Variants in RPS6KC1 observed in about 807,000 individuals in gnomAD.
The protein encoded by RPS6KC1 is inactive ribosomal protein S6 kinase delta-1.
RPS6KC1 carries 54 observed loss-of-function variants against 103.8 expected under a neutral mutation model. That is an observed-to-expected ratio of 0.52 (90% CI 0.42 to 0.65). The LOEUF (loss-of-function observed/expected upper bound fraction) is 0.65. Ranked by LOEUF, RPS6KC1 falls within the 30% of genes least tolerant of loss-of-function variation. RPS6KC1 has a pLI of 0.00. For synonymous variants in RPS6KC1, 439 were observed against 438.7 expected, an observed-to-expected ratio of 1.00 and a Z score of -0.01; for missense variants, 1,151 against 1,253.8, an observed-to-expected ratio of 0.92 and a Z score of 1.24.
the RPS6KC1 span, among the ~76,000 whole-genome samples, chr1:213,815,247 G>A: frequency 4.7e-4 from 72 of 152,256 alleles, no homozygotes; most frequent in South Asian, 0.015. Flanking sequence ...GGCCTTCCCA[G>A]CCATGTGGAA....
the RPS6KC1 span, among the ~76,000 whole-genome samples, chr1:213,400,271 A>G: frequency 1.8e-4 from 27 of 152,162 alleles, no homozygotes; most frequent in Non-Finnish European, 8.8e-5. Context: ...CTACCCAGCC[A>G]CGAAACCACA....
At chr1:213,564,302 C>G in the RPS6KC1 span, among the ~76,000 whole-genome samples, 1 of 152,140 alleles carries the variant, frequency 6.6e-6, no homozygotes, top group Non-Finnish European at 1.5e-5. Context: ...CTTCTTAGCT[C>G]TGAAACCACC....
intron 4 of RPS6KC1, among the ~76,000 whole-genome samples, chr1:213,113,857 A>G (rs1169508106): frequency 6.6e-6 from 1 of 152,114 alleles, no homozygotes; most frequent in African/African-American, 2.4e-5. Context: ...TTTGTCAAAG[A>G]TCAGATAGTT....
At chr1:213,638,970 C>G in the RPS6KC1 span, among the ~76,000 whole-genome samples, 1 of 152,000 alleles carries the variant, frequency 6.6e-6, no homozygotes, top group African/African-American at 2.4e-5. Context: ...TATGCTGAGT[C>G]TTCTATGCCA....
intron 3 of RPS6KC1, among the ~76,000 whole-genome samples, chr1:213,088,583 C>G (rs2080652144): frequency 6.6e-6 from 1 of 152,120 alleles, no homozygotes; most frequent in Non-Finnish European, 1.5e-5. Context: ...TCTCGAACTC[C>G]TGAGCACAAA....
the RPS6KC1 span, among the ~76,000 whole-genome samples, chr1:213,459,726 G>A: frequency 6.6e-5 from 10 of 152,286 alleles, no homozygotes; most frequent in East Asian, 1.9e-3. Context: ...TGGGCAGTTA[G>A]TGCTATAAAT....
At chr1:213,282,461 C>T in the RPS6KC1 span, among the ~76,000 whole-genome samples, 7 of 152,218 alleles carry the variant, frequency 4.6e-5, no homozygotes, top group African/African-American at 1.4e-4. Context: ...TCCTCAGAGG[C>T]GCCTGCTTGG....
chr1:213,493,731 A>G, the RPS6KC1 span, among the ~76,000 whole-genome samples: 2 of 152,210 alleles, frequency 1.3e-5, no homozygotes, highest in African/African-American at 4.8e-5. Flanking sequence ...CCTGCCAATA[A>G]CTTCTTAGGA....
At chr1:213,636,428 A>G in the RPS6KC1 span, among the ~76,000 whole-genome samples, 47 of 152,308 alleles carry the variant, frequency 3.1e-4, 1 homozygote, top group Non-Finnish European at 5.1e-4. Context: ...ATATAGACCA[A>G]TGGATCAGAA....
chr1:213,321,004 G>A, the RPS6KC1 span, among the ~76,000 whole-genome samples: 4 of 152,198 alleles, frequency 2.6e-5, no homozygotes, highest in Admixed American at 2.0e-4. Context: ...GGACAAGGGT[G>A]AGGTGTTGAG....
chr1:213,158,525 A>G (rs1296313159), intron 6 of RPS6KC1, among the ~76,000 whole-genome samples: 1 of 152,238 alleles, frequency 6.6e-6, no homozygotes, highest in Non-Finnish European at 1.5e-5. Context: ...CCCATAACAT[A>G]TCACAGTAGC....
the RPS6KC1 span, among the ~76,000 whole-genome samples, chr1:213,551,660 A>G: frequency 6.6e-6 from 1 of 152,144 alleles, no homozygotes; most frequent in Non-Finnish European, 1.5e-5. Flanking sequence ...AACATCCAGC[A>G]CCTAAGTGGT....
intron 1 of RPS6KC1, among the ~76,000 whole-genome samples, chr1:213,068,449 A>G (rs2078534509): frequency 7.9e-6 from 1 of 127,012 alleles, no homozygotes; most frequent in African/African-American, 3.1e-5. Flanking sequence ...GCGCCACTGC[A>G]CTCCAGCTTG....
chr1:213,801,123 T>C, the RPS6KC1 span, among the ~76,000 whole-genome samples: 1 of 152,334 alleles, frequency 6.6e-6, no homozygotes, highest in South Asian at 2.1e-4. Flanking sequence ...ACCTGGCTTT[T>C]CTCTGTTGGA....
chr1:213,327,857 C>A, the RPS6KC1 span, among the ~76,000 whole-genome samples: 3 of 152,268 alleles, frequency 2.0e-5, no homozygotes, highest in East Asian at 5.8e-4. Flanking sequence ...ACAATCCTTT[C>A]CCAGATCGTT....
At chr1:213,630,580 G>A in the RPS6KC1 span, among the ~76,000 whole-genome samples, 174 of 152,222 alleles carry the variant, frequency 1.1e-3, 1 homozygote, top group Non-Finnish European at 2.2e-3. Flanking sequence ...CTCTCAACTC[G>A]TCAAAGTCAT....
intron 12 of RPS6KC1, among the ~76,000 whole-genome samples, chr1:213,248,327 A>C (rs2094489271): frequency 1.3e-5 from 2 of 152,198 alleles, no homozygotes; most frequent in African/African-American, 4.8e-5. Context: ...ACCCTTAAGC[A>C]AAACTTCAGC....
chr1:213,800,311 A>G, the RPS6KC1 span, among the ~76,000 whole-genome samples: 1 of 152,216 alleles, frequency 6.6e-6, no homozygotes, highest in Non-Finnish European at 1.5e-5. Flanking sequence ...GAAGAAATTC[A>G]CATATTGAAT....
the RPS6KC1 span, among the ~76,000 whole-genome samples, chr1:213,850,849 T>C: frequency 6.6e-6 from 1 of 152,120 alleles, no homozygotes. Flanking sequence ...CATACTTCCT[T>C]AAAATAGAAT....
Sources: gnomAD v4.1 joint callset for allele counts (sites outside exome capture counted in the v4.1 genomes callset) on GRCh38, gnomAD v4.1.1 for gene constraint, MANE v1.5 for transcripts, NCBI Gene and HGNC (gene_info 2026-07-23, HGNC 2026-07-21) for gene names.